Variants in ANK1 observed in about 807,000 individuals in gnomAD.
ANK1 encodes ankyrin-1.
In ANK1, 51 loss-of-function variants were observed where a neutral mutation model predicts 210.4. The ratio of observed to expected loss-of-function variants is 0.24; its 90% confidence interval spans 0.19 to 0.31. The LOEUF (loss-of-function observed/expected upper bound fraction) is 0.31, where lower values mean the gene tolerates loss of function less well. Among genes scored for constraint, ANK1 ranks in the 10% least tolerant of loss-of-function variants. ANK1 has a pLI of 1.00. For missense variants in ANK1, 2,051 were observed against 2,504.4 expected (o/e 0.82, Z 3.86); for synonymous variants, 967 against 1,025.9 (o/e 0.94, Z 1.10).
intron 1 of ANK1, among the ~76,000 whole-genome samples, chr8:41,771,255 A>G (rs1842902352): frequency 6.7e-6 from 1 of 149,596 alleles, no homozygotes; most frequent in African/African-American, 2.5e-5. Flanking sequence ...AGGATGGCAG[A>G]AAAAAAAAAC....
At chr8:41,798,786 G>A (rs1365715959), upstream of ANK1, among the ~76,000 whole-genome samples, 2 of 152,112 alleles carry the variant, frequency 1.3e-5, no homozygotes, top group Admixed American at 1.3e-4. Context: ...GGCCTCTGGT[G>A]CAGTCCTCCC....
chr8:41,893,498 C>T (rs1178541443), intron 1 of ANK1, among the ~76,000 whole-genome samples: 1 of 152,222 alleles, frequency 6.6e-6, no homozygotes, highest in Non-Finnish European at 1.5e-5. Flanking sequence ...CCCCCGCACA[C>T]AGCACCCCTT....
intron 1 of ANK1, among the ~76,000 whole-genome samples, chr8:41,861,264 T>C (rs968354177): frequency 5.9e-5 from 9 of 152,208 alleles, no homozygotes; most frequent in Non-Finnish European, 1.3e-4. Context: ...TGTTTCACAA[T>C]CTTGGGCACA....
rs559397612 is a variant in ANK1, at chr8:41,857,077, C to T, written c.126+39278G>A. Among the ~76,000 whole-genome samples the T allele has an allele frequency of 4.4e-4, 67 of 151,752 alleles. No homozygotes were observed. The Middle Eastern group carries it at 0.01, about 23-fold the overall frequency. ...TGTTTTCAGTAGAGACAGGGTTTCA[C>T]CATGTTGGTCAGGCTGGTCTCAAAC... On this transcript the variant is annotated intron_variant, in intron 1 of 42. Transcript: ENST00000265709.
At chr8:41,784,252 C>G (rs929096697) in intron 1 of ANK1, among the ~76,000 whole-genome samples, 4 of 152,278 alleles carry the variant, frequency 2.6e-5, no homozygotes, top group African/African-American at 4.8e-5. Flanking sequence ...CTCTCACCCC[C>G]ACTCTCTCTA....
intron 1 of ANK1, among the ~76,000 whole-genome samples, chr8:41,767,671 G>T (rs938053186): frequency 6.6e-6 from 1 of 152,084 alleles, no homozygotes. Context: ...GCGCGCGGGG[G>T]CGCGGGCGGG....
intron 1 of ANK1, among the ~76,000 whole-genome samples, chr8:41,862,480 A>G (rs947254624): frequency 5.3e-5 from 8 of 152,130 alleles, no homozygotes; most frequent in African/African-American, 1.7e-4. Flanking sequence ...ACTGGAGAAG[A>G]TAGAGGAGCA....
At chr8:41,825,059 G>A (rs1035921831) in intron 1 of ANK1, among the ~76,000 whole-genome samples, 4 of 152,234 alleles carry the variant, frequency 2.6e-5, no homozygotes, top group African/African-American at 9.6e-5. Context: ...AGTGGCCCCT[G>A]AGCGTGGAGG....
At chr8:41,685,498 G>T (rs1817467867) in intron 36 of ANK1, among the ~76,000 whole-genome samples, 2 of 152,198 alleles carry the variant, frequency 1.3e-5, no homozygotes, top group Non-Finnish European at 2.9e-5. Flanking sequence ...ATGAGAACTG[G>T]TTCAGACTGG....
At chr8:41,773,417 G>C (rs1843356718) in intron 1 of ANK1, among the ~76,000 whole-genome samples, 2 of 152,170 alleles carry the variant, frequency 1.3e-5, no homozygotes, top group Non-Finnish European at 2.9e-5. Context: ...AGGGAAGGGG[G>C]GAGGCACAGC....
chr8:41,886,392 G>A (rs1466947463), intron 1 of ANK1, among the ~76,000 whole-genome samples: 2 of 152,228 alleles, frequency 1.3e-5, no homozygotes, highest in Non-Finnish European at 2.9e-5. Flanking sequence ...TTGAGACTCA[G>A]GGAGCACTAT....
At chr8:41,871,077 C>T (rs1030253015) in intron 1 of ANK1, among the ~76,000 whole-genome samples, 8 of 152,192 alleles carry the variant, frequency 5.3e-5, no homozygotes, top group African/African-American at 1.9e-4. Flanking sequence ...CCTCACGGGC[C>T]ACACCTTTGA....
At chr8:41,687,685 C>T (rs1244928836) in intron 35 of ANK1, among the ~76,000 whole-genome samples, 1 of 152,220 alleles carries the variant, frequency 6.6e-6, no homozygotes, top group African/African-American at 2.4e-5. Flanking sequence ...ACTTGCCACT[C>T]ACATTGGGCA....
rs1293898654 is a variant in ANK1 at position 41,655,750 on chromosome 8, G to T, written c.*40C>A. 87 of 1,613,956 alleles carry T rather than the reference G, an allele frequency of 5.4e-5. 1 individual carries two copies. The highest frequency in any genetic ancestry group is 7.4e-5 in the Non-Finnish European group (87 of 1,179,980). On this transcript the variant is annotated 3_prime_UTR_variant, in exon 43 of 43. Transcript: ENST00000289734. ...GTTCAGGGGTTGGGTGTCGAGGTGT[G>T]ATCCTGGGAGACACAAAGAGAGAAG...
At chr8:41,850,950 C>CG (rs1811127160) in intron 1 of ANK1, among the ~76,000 whole-genome samples, 6 of 152,174 alleles carry the variant, frequency 3.9e-5, no homozygotes, top group Admixed American at 3.9e-4. Context: ...CTAAGGGAGG[C>CG]GGGGTGAGTC....
At chr8:41,878,529 G>T (rs1450288789) in intron 1 of ANK1, among the ~76,000 whole-genome samples, 5 of 152,184 alleles carry the variant, frequency 3.3e-5, no homozygotes, top group Admixed American at 3.3e-4. Flanking sequence ...CGCACTCAAG[G>T]TTAATTGGAT....
intron 29 of ANK1, 119 bp from the exon 30 acceptor site, chr8:41,693,320 G>T (rs956506022): frequency 1.1e-6 from 1 of 882,010 alleles, no homozygotes; most frequent in African/African-American, 1.7e-5. Flanking sequence ...TTTGTCTGCA[G>T]CCCTGGGCAC....
chr8:41,882,908 A>C (rs1335047190), intron 1 of ANK1, among the ~76,000 whole-genome samples: 1 of 152,194 alleles, frequency 6.6e-6, no homozygotes, highest in African/African-American at 2.4e-5. Flanking sequence ...GTCACCTTAC[A>C]TTGAAAACAG....
intron 1 of ANK1, among the ~76,000 whole-genome samples, chr8:41,892,697 C>T (rs79067741): frequency 0.01 from 1,548 of 152,180 alleles, 23 homozygotes; most frequent in African/African-American, 0.035. Context: ...CCAGATGCCC[C>T]CAAAAGACAG....
Sources: allele counts gnomAD v4.1 joint callset (sites outside exome capture counted in the v4.1 genomes callset), GRCh38; gene constraint gnomAD v4.1.1; transcripts MANE v1.5; gene names NCBI Gene and HGNC (gene_info 2026-07-23, HGNC 2026-07-21).